CASK: variants seen among roughly 807,000 people sequenced by gnomAD.
The protein encoded by CASK is calcium/calmodulin dependent serine protein kinase.
A neutral mutation model predicts 82.9 loss-of-function variants in CASK; 4 were observed. The observed-to-expected ratio is 0.05, with a 90% CI of 0.02 to 0.11. The LOEUF (loss-of-function observed/expected upper bound fraction) is 0.11, where lower values mean the gene tolerates loss of function less well. Ranked by LOEUF, CASK falls within the 10% of genes least tolerant of loss-of-function variation. The probability of loss-of-function intolerance (pLI) is 1.00; values close to 1 mark genes in which losing one functional copy is unlikely to be tolerated. For synonymous variants in CASK, 259 were observed against 253.5 expected (o/e 1.02, Z -0.20); for missense variants, 358 against 720.9 (o/e 0.50, Z 5.76).
chrX:41,904,801 G>A (rs1375406092), intron 1 of CASK, among the ~76,000 whole-genome samples: 2 of 111,380 alleles, frequency 1.8e-5, no homozygotes, highest in African/African-American at 3.3e-5. Context: ...GTCTGTGTGG[G>A]CTCAATGTTT....
intron 5 of CASK, among the ~76,000 whole-genome samples, chrX:41,681,946 TA>T (rs1166213009): frequency 4.3e-4 from 41 of 94,770 alleles, no homozygotes; most frequent in African/African-American, 5.8e-4. Flanking sequence ...GACTCCATCT[TA>T]AAAAAAAAAA....
intron 12 of CASK, among the ~76,000 whole-genome samples, chrX:41,592,784 C>G (rs1468373616): frequency 1.8e-5 from 2 of 111,784 alleles, no homozygotes; most frequent in Admixed American, 1.9e-4. Context: ...CTAGTCTAAG[C>G]TCTTAACATA....
At chrX:41,578,737 T>C (rs1019455508) in intron 14 of CASK, among the ~76,000 whole-genome samples, 1 of 111,005 alleles carries the variant, frequency 9.0e-6, no homozygotes, top group Non-Finnish European at 1.9e-5. Flanking sequence ...CACAGGTGCA[T>C]GCCACCACAC....
chrX:41,735,690 T>C (rs189394535), intron 5 of CASK, among the ~76,000 whole-genome samples: 1 of 110,604 alleles, frequency 9.0e-6, no homozygotes, highest in African/African-American at 3.3e-5. Context: ...GCCTCCTTGC[T>C]GTTCCTCGAG....
intron 8 of CASK, among the ~76,000 whole-genome samples, chrX:41,648,715 CT>C (rs760051001): frequency 9.0e-6 from 1 of 111,394 alleles, no homozygotes; most frequent in East Asian, 2.8e-4. Flanking sequence ...TAAAATTCTC[CT>C]TTTTTTTGTT....
intron 2 of CASK, among the ~76,000 whole-genome samples, chrX:41,835,941 C>A (rs1212208909): frequency 4.5e-5 from 5 of 111,541 alleles, no homozygotes; most frequent in Non-Finnish European, 9.4e-5. Flanking sequence ...AATAGTTATC[C>A]AGAAATGCTT....
chrX:41,842,569 GAAA>G (rs375808137), intron 2 of CASK, among the ~76,000 whole-genome samples: 1 of 94,176 alleles, frequency 1.1e-5, no homozygotes. Context: ...CTGTCTCCAG[GAAA>G]AAAAAAAAAA....
chrX:41,718,023 C>A (rs762427597), intron 5 of CASK, among the ~76,000 whole-genome samples: 1 of 112,156 alleles, frequency 8.9e-6, no homozygotes, highest in South Asian at 3.7e-4. Context: ...TAGCCCTACT[C>A]CCAACCCTCC....
intron 8 of CASK, among the ~76,000 whole-genome samples, chrX:41,650,656 C>T (rs2066851356): frequency 9.2e-6 from 1 of 109,012 alleles, no homozygotes; most frequent in Admixed American, 9.8e-5. Context: ...ATCCTCCCAC[C>T]TTACTCTAAT....
chrX:41,810,915 A>G (rs1398809020), intron 2 of CASK, among the ~76,000 whole-genome samples: 1 of 111,686 alleles, frequency 9.0e-6, no homozygotes, highest in African/African-American at 3.3e-5. Context: ...AAACAAAAAA[A>G]GGCAGGGGTT....
intron 2 of CASK, among the ~76,000 whole-genome samples, chrX:41,823,921 G>A (rs1377567518): frequency 9.0e-6 from 1 of 111,269 alleles, no homozygotes; most frequent in African/African-American, 3.3e-5. Context: ...TTACCAAAAC[G>A]ATGAAGATTT....
At chrX:41,753,818 T>G (rs2068839678) in intron 3 of CASK, among the ~76,000 whole-genome samples, 1 of 111,816 alleles carries the variant, frequency 8.9e-6, no homozygotes, top group Non-Finnish European at 1.9e-5. Context: ...TCCAGGAGTT[T>G]GAGGCTGCAG....
intron 7 of CASK, 31 bp downstream of exon 7, chrX:41,665,246 A>G: frequency 1.8e-6 from 2 of 1,128,118 alleles, no homozygotes; most frequent in Non-Finnish European, 2.4e-6. Flanking sequence ...ATTAATCTCA[A>G]TGGAAAAAGA....
chrX:41,646,460 G>C (rs903168011), intron 8 of CASK, among the ~76,000 whole-genome samples: 3 of 110,675 alleles, frequency 2.7e-5, no homozygotes, highest in Admixed American at 9.6e-5. Flanking sequence ...CTGTGCATAC[G>C]AGGATCAGCT....
chrX:41,552,187 T>TC (rs2065109187), intron 21 of CASK, among the ~76,000 whole-genome samples: 2 of 108,963 alleles, frequency 1.8e-5, no homozygotes, highest in Admixed American at 9.9e-5. Flanking sequence ...TCTGCCCACC[T>TC]CGGCGTCCCA....
At chrX:41,812,737 C>G (rs1355630455) in intron 2 of CASK, among the ~76,000 whole-genome samples, 1 of 111,181 alleles carries the variant, frequency 9.0e-6, no homozygotes, top group Non-Finnish European at 1.9e-5. Flanking sequence ...GAAGTTCTGG[C>G]CAGGGTAATC....
intron 3 of CASK, among the ~76,000 whole-genome samples, chrX:41,775,845 T>C (rs1394413550): frequency 3.7e-5 from 3 of 81,197 alleles, no homozygotes; most frequent in Non-Finnish European, 6.7e-5. Flanking sequence ...TGAGAACACA[T>C]GGACACAGGA....
At chrX:41,878,774 G>C (rs1046142788) in intron 1 of CASK, among the ~76,000 whole-genome samples, 1 of 110,788 alleles carries the variant, frequency 9.0e-6, no homozygotes, top group African/African-American at 3.3e-5. Flanking sequence ...GGGCGTGAGG[G>C]ATAAAAGGCT....
intron 1 of CASK, among the ~76,000 whole-genome samples, chrX:41,921,063 A>G (rs1222442044): frequency 8.9e-6 from 1 of 112,066 alleles, no homozygotes; most frequent in Non-Finnish European, 1.9e-5. Context: ...ACATGTGGCT[A>G]CTGGGCACCT....
Sources: allele counts gnomAD v4.1 joint callset (sites outside exome capture counted in the v4.1 genomes callset), GRCh38; gene constraint gnomAD v4.1.1; transcripts MANE v1.5; gene names NCBI Gene and HGNC (gene_info 2026-07-23, HGNC 2026-07-21).